The following ANXA8 variants were observed in gnomAD, a reference collection of about 807,000 sequenced individuals.
The protein encoded by ANXA8 is VAC-beta.
In ANXA8, 9 loss-of-function variants were observed where a neutral mutation model predicts 26.8. The ratio of observed to expected loss-of-function variants is 0.34; its 90% confidence interval spans 0.20 to 0.59. The LOEUF is 0.59. Ranked by LOEUF, ANXA8 falls within the 20% of genes least tolerant of loss-of-function variation. ANXA8 has a pLI of 0.84. For missense variants in ANXA8, 83 were observed against 238.5 expected (o/e 0.35, Z 4.29); for synonymous variants, 39 against 94.8 (o/e 0.41, Z 3.42).
At chr10:47,907,166 T>C in the ANXA8 span, among the ~76,000 whole-genome samples, 1 of 151,666 alleles carries the variant, frequency 6.6e-6, no homozygotes, top group South Asian at 2.1e-4. Context: ...CCATCCTGGC[T>C]AACACGGTGA....
the ANXA8 span, among the ~76,000 whole-genome samples, chr10:47,548,461 C>G: frequency 6.6e-6 from 1 of 152,142 alleles, no homozygotes; most frequent in Non-Finnish European, 1.5e-5. Context: ...ACCACCTCAC[C>G]CGTCTAATTT....
the ANXA8 span, chr10:47,581,384 T>G: frequency 2.4e-6 from 1 of 418,670 alleles, no homozygotes; most frequent in Non-Finnish European, 4.6e-6. Flanking sequence ...AATAAAATGT[T>G]AAGAAGCAAG....
the ANXA8 span, chr10:47,565,187 G>C: frequency 1.5e-6 from 1 of 684,290 alleles, no homozygotes. Context: ...GCAGGGCGAC[G>C]CGGGCACCCC....
chr10:47,669,707 C>T, the ANXA8 span, among the ~76,000 whole-genome samples: 1,384 of 151,024 alleles, frequency 9.2e-3, 8 homozygotes, highest in Non-Finnish European at 0.014. Flanking sequence ...AGAATGAGAC[C>T]CTATCTCAAA....
the ANXA8 span, chr10:47,710,262 G>T: frequency 1.3e-6 from 2 of 1,513,468 alleles, no homozygotes; most frequent in Non-Finnish European, 1.8e-6. Context: ...AGACTTACTG[G>T]CATATGTGTC....
At chr10:47,530,655 A>C in the ANXA8 span, among the ~76,000 whole-genome samples, 681 of 142,250 alleles carry the variant, frequency 4.8e-3, no homozygotes, top group Non-Finnish European at 6.8e-3. Flanking sequence ...ACTGTGCCAC[A>C]GCACTCCAGC....
chr10:47,703,591 C>G, the ANXA8 span, among the ~76,000 whole-genome samples: 1 of 150,198 alleles, frequency 6.7e-6, no homozygotes, highest in Non-Finnish European at 1.5e-5. Context: ...AAATACAAAA[C>G]ACAAAAATAG....
At chr10:47,680,634 CAA>C in the ANXA8 span, among the ~76,000 whole-genome samples, 2 of 130,106 alleles carry the variant, frequency 1.5e-5, no homozygotes, top group African/African-American at 5.5e-5. Flanking sequence ...GACTCCATCT[CAA>C]AAAAAAAAAA....
At chr10:47,682,867 A>G in the ANXA8 span, among the ~76,000 whole-genome samples, 3 of 152,184 alleles carry the variant, frequency 2.0e-5, no homozygotes, top group South Asian at 2.1e-4. Context: ...CCCTGGAACA[A>G]GAGTGAAAGG....
chr10:47,525,053 ATGG>A, the ANXA8 span, among the ~76,000 whole-genome samples: 1 of 62,488 alleles, frequency 1.6e-5, no homozygotes, highest in African/African-American at 8.8e-5. Flanking sequence ...TCCGACTTAC[ATGG>A]TGGCCGCACA....
the ANXA8 span, among the ~76,000 whole-genome samples, chr10:47,721,216 A>T: frequency 7.0e-6 from 1 of 141,966 alleles, no homozygotes; most frequent in African/African-American, 2.6e-5. Context: ...AGGCCCCTCA[A>T]AAGTATGTAT....
the ANXA8 span, among the ~76,000 whole-genome samples, chr10:47,948,959 T>G: frequency 1.6e-3 from 37 of 22,998 alleles, no homozygotes; most frequent in Non-Finnish European, 7.5e-4. Flanking sequence ...TGGGAGGTGG[T>G]TTTTTTTTTC....
At chr10:47,565,511 C>T in the ANXA8 span, 5 of 367,962 alleles carry the variant, frequency 1.4e-5, no homozygotes, top group Non-Finnish European at 2.4e-5. Flanking sequence ...GGCGAGGCCC[C>T]GAAGCTCTCT....
chr10:47,566,233 C>G, the ANXA8 span, among the ~76,000 whole-genome samples: 3 of 151,844 alleles, frequency 2.0e-5, no homozygotes, highest in African/African-American at 7.3e-5. Context: ...GTATTTAAAC[C>G]GAAACACACG....
At chr10:47,633,715 G>A in the ANXA8 span, among the ~76,000 whole-genome samples, 1 of 143,226 alleles carries the variant, frequency 7.0e-6, no homozygotes, top group Admixed American at 6.9e-5. Context: ...GCCCCTCAGC[G>A]AAAACCTCTG....
At chr10:47,898,842 T>A in the ANXA8 span, among the ~76,000 whole-genome samples, 13 of 138,942 alleles carry the variant, frequency 9.4e-5, no homozygotes, top group East Asian at 1.3e-3. Context: ...TTTTTTTTTT[T>A]AGATGTGGTC....
the ANXA8 span, among the ~76,000 whole-genome samples, chr10:47,548,578 G>A: frequency 2.0e-5 from 3 of 151,406 alleles, no homozygotes; most frequent in African/African-American, 7.3e-5. Flanking sequence ...TGGGATTACA[G>A]GCATGAGCCA....
At chr10:47,501,383 T>C in the ANXA8 span, among the ~76,000 whole-genome samples, 665 of 143,544 alleles carry the variant, frequency 4.6e-3, 17 homozygotes, top group African/African-American at 0.016. Flanking sequence ...GCTGACATTA[T>C]TACTTCACAT....
the ANXA8 span, among the ~76,000 whole-genome samples, chr10:47,652,919 T>G: frequency 6.6e-6 from 1 of 151,396 alleles, no homozygotes; most frequent in East Asian, 1.9e-4. Context: ...TAGCCAAAAG[T>G]CTGAGTAGTG....
Sources: gnomAD v4.1 joint callset for allele counts (sites outside exome capture counted in the v4.1 genomes callset) on GRCh38, gnomAD v4.1.1 for gene constraint, MANE v1.5 for transcripts, NCBI Gene and HGNC (gene_info 2026-07-23, HGNC 2026-07-21) for gene names.